STARD13: variants seen among roughly 807,000 people sequenced by gnomAD.
The protein encoded by STARD13 is StAR related lipid transfer domain containing 13.
A neutral mutation model predicts 106.4 loss-of-function variants in STARD13; 62 were observed. The ratio of observed to expected loss-of-function variants is 0.58; its 90% CI spans 0.48 to 0.72. STARD13 has a LOEUF of 0.72. Ranked by LOEUF, STARD13 falls within the 30% of genes least tolerant of loss-of-function variation. STARD13 has a pLI of 0.00. For synonymous variants in STARD13, 565 were observed against 553.0 expected (o/e 1.02, Z -0.31); for missense variants, 1,387 against 1,424.0 (o/e 0.97, Z 0.42).
At chr13:33,553,803 G>A in the STARD13 span, among the ~76,000 whole-genome samples, 8 of 151,800 alleles carry the variant, frequency 5.3e-5, no homozygotes, top group Non-Finnish European at 1.0e-4. Flanking sequence ...TGGTCTCGAT[G>A]TGTTGACCTC....
At chr13:33,573,771 C>A in the STARD13 span, among the ~76,000 whole-genome samples, 1 of 152,080 alleles carries the variant, frequency 6.6e-6, no homozygotes, top group South Asian at 2.1e-4. Context: ...ATTGGGGAAA[C>A]TGGATTCAAG....
At chr13:33,453,765 A>C in the STARD13 span, among the ~76,000 whole-genome samples, 1 of 152,218 alleles carries the variant, frequency 6.6e-6, no homozygotes, top group Non-Finnish European at 1.5e-5. Context: ...AACATGAAAA[A>C]TGTTTTTAAA....
At chr13:33,240,661 T>C (rs1000174646) in intron 1 of STARD13, among the ~76,000 whole-genome samples, 2 of 151,926 alleles carry the variant, frequency 1.3e-5, no homozygotes, top group South Asian at 2.1e-4. Context: ...TTAAGTATTT[T>C]ATCCTTAAGT....
intron 3 of STARD13, among the ~76,000 whole-genome samples, chr13:33,161,995 G>A (rs950040648): frequency 7.9e-5 from 12 of 152,082 alleles, no homozygotes; most frequent in Non-Finnish European, 1.2e-4. Context: ...ATCTCCCACC[G>A]GGTCCCTCCT....
At chr13:33,465,086 A>G in the STARD13 span, among the ~76,000 whole-genome samples, 45,772 of 150,524 alleles carry the variant, frequency 0.3, 7,642 homozygotes, top group Non-Finnish European at 0.39. Context: ...AAAATCTCCC[A>G]CTTTCTTCTT....
At chr13:33,547,235 G>T in the STARD13 span, among the ~76,000 whole-genome samples, 1 of 152,152 alleles carries the variant, frequency 6.6e-6, no homozygotes, top group Non-Finnish European at 1.5e-5. Context: ...CACAGATGTA[G>T]CTATTGTGTC....
chr13:33,332,083 ACT>A (rs2077843174), intron 1 of STARD13, among the ~76,000 whole-genome samples: 2 of 151,766 alleles, frequency 1.3e-5, no homozygotes, highest in African/African-American at 4.8e-5. Context: ...GCATATCCAG[ACT>A]CTCTCCCAGG....
intron 3 of STARD13, among the ~76,000 whole-genome samples, chr13:33,144,941 C>A (rs925089214): frequency 2.6e-5 from 4 of 152,170 alleles, no homozygotes; most frequent in Non-Finnish European, 4.4e-5. Context: ...CTTCTATATA[C>A]CACAGACTCG....
chr13:33,646,555 C>T, the STARD13 span, among the ~76,000 whole-genome samples: 1 of 152,152 alleles, frequency 6.6e-6, no homozygotes, highest in Non-Finnish European at 1.5e-5. Flanking sequence ...GGCATGGTGT[C>T]TCTGGGGATA....
intron 1 of STARD13, among the ~76,000 whole-genome samples, chr13:33,330,441 G>A (rs1025887741): frequency 6.6e-6 from 1 of 151,904 alleles, no homozygotes; most frequent in Non-Finnish European, 1.5e-5. Context: ...TAATCCAGTT[G>A]TTTGTATTTT....
chr13:33,110,686 CT>C lies in STARD13; in HGVS notation c.2828del (p.Lys943ArgfsTer8), dbSNP rs751971038. ...STDNTDLAFK[K>X]VGDGNPLKLW... ...ATCTTTTTCCATCCTCTGAGATTAC[CT>C]TTTTGAAAGCAAGATCTGTATTGTC... On this transcript the variant is annotated frameshift_variant and splice_region_variant, in exon 11 of 14. Transcript: ENST00000336934. LOFTEE classifies it high-confidence loss of function. The C allele has an allele frequency of 1.2e-6, 2 of 1,613,236 alleles. No individual in the cohort carries two copies. The highest frequency in any genetic ancestry group is 1.7e-6 in the Non-Finnish European group (2 of 1,179,194).
At chr13:33,467,225 C>A in the STARD13 span, among the ~76,000 whole-genome samples, 16 of 151,872 alleles carry the variant, frequency 1.1e-4, no homozygotes, top group Admixed American at 2.0e-4. Context: ...TGTTTCCCTG[C>A]AACTAGATGG....
upstream of STARD13, chr13:33,355,148 A>AT (rs1314685559): frequency 1.3e-5 from 2 of 152,174 alleles, no homozygotes; most frequent in Non-Finnish European, 2.9e-5. Flanking sequence ...AAAGATATAT[A>AT]TTTTTTTCTC....
the STARD13 span, among the ~76,000 whole-genome samples, chr13:33,647,213 G>A: frequency 6.6e-6 from 1 of 152,078 alleles, no homozygotes; most frequent in Admixed American, 6.6e-5. Flanking sequence ...TGATGTCCTT[G>A]GAAGAAAGGT....
chr13:33,569,188 T>G, the STARD13 span, among the ~76,000 whole-genome samples: 1 of 148,126 alleles, frequency 6.8e-6, no homozygotes, highest in Non-Finnish European at 1.5e-5. Context: ...TTGTATATGA[T>G]GTTATACTAT....
the STARD13 span, among the ~76,000 whole-genome samples, chr13:33,369,523 T>C: frequency 6.6e-6 from 1 of 152,240 alleles, no homozygotes; most frequent in African/African-American, 2.4e-5. Context: ...TTGTCTGTCC[T>C]GAGCAAAGTT....
At chr13:33,614,834 G>T in the STARD13 span, among the ~76,000 whole-genome samples, 1 of 152,108 alleles carries the variant, frequency 6.6e-6, no homozygotes, top group Non-Finnish European at 1.5e-5. Context: ...CTGGGGAGGG[G>T]TGAGTGAGTG....
chr13:33,534,803 T>C, the STARD13 span, among the ~76,000 whole-genome samples: 1 of 152,202 alleles, frequency 6.6e-6, no homozygotes, highest in African/African-American at 2.4e-5. Context: ...GTTATGGTTA[T>C]CTACCATCCA....
chr13:33,449,407 G>C, the STARD13 span, among the ~76,000 whole-genome samples: 1 of 152,048 alleles, frequency 6.6e-6, no homozygotes. Context: ...AAAATTAATT[G>C]GCTGTAGATC....
Sources: gnomAD v4.1 joint callset for allele counts (sites outside exome capture counted in the v4.1 genomes callset) on GRCh38, gnomAD v4.1.1 for gene constraint, MANE v1.5 for transcripts, NCBI Gene and HGNC (gene_info 2026-07-23, HGNC 2026-07-21) for gene names.